PIK3C2G: variants seen among roughly 807,000 people sequenced by gnomAD.
PIK3C2G encodes the protein phosphatidylinositol 3-kinase C2 domain-containing subunit gamma.
PIK3C2G carries 168 observed loss-of-function variants against 181.1 expected under a neutral mutation model. The ratio of observed to expected loss-of-function variants is 0.93; its 90% CI spans 0.82 to 1.05. The LOEUF is 1.05. Among genes scored for constraint, PIK3C2G ranks in the 50% least tolerant of loss-of-function variants. PIK3C2G has a pLI of 0.00. For synonymous variants in PIK3C2G, 573 were observed against 592.2 expected (o/e 0.97, Z 0.47); for missense variants, 1,869 against 1,732.8 (o/e 1.08, Z -1.40).
At chr12:18,334,149 A>C (rs1382997849) in intron 8 of PIK3C2G, among the ~76,000 whole-genome samples, 1 of 152,184 alleles carries the variant, frequency 6.6e-6, no homozygotes, top group African/African-American at 2.4e-5. Context: ...AGAAATTAGA[A>C]AGAATTTAGA....
chr12:18,702,761 A>T, the PIK3C2G span, among the ~76,000 whole-genome samples: 1 of 152,032 alleles, frequency 6.6e-6, no homozygotes, highest in South Asian at 2.1e-4. Flanking sequence ...GCCTCCTTTA[A>T]CAAGTCTCTA....
intron 7 of PIK3C2G, 74 bp from the exon 8 acceptor site, chr12:18,324,961 T>A (rs1026308330): frequency 8.3e-6 from 6 of 722,966 alleles, no homozygotes; most frequent in Non-Finnish European, 4.7e-6. Context: ...CAATTTGTGA[T>A]AAATGTTTGT....
At chr12:18,621,876 AACAC>A (rs369704540) in intron 31 of PIK3C2G, among the ~76,000 whole-genome samples, 1,600 of 151,422 alleles carry the variant, frequency 0.011, 25 homozygotes, top group African/African-American at 0.036. Flanking sequence ...ATTAACAATC[AACAC>A]ACACACACAC....
At chr12:18,376,700 G>A (rs1942464266) in intron 13 of PIK3C2G, among the ~76,000 whole-genome samples, 1 of 152,186 alleles carries the variant, frequency 6.6e-6, no homozygotes, top group Admixed American at 6.5e-5. Context: ...AGGACACGGT[G>A]GGAGATGTTT....
chr12:18,491,585 T>C, intron 20 of PIK3C2G, 27 bp downstream of exon 20: 2 of 1,259,818 alleles, frequency 1.6e-6, no homozygotes, highest in Non-Finnish European at 2.3e-6. Flanking sequence ...CTCAGATTAA[T>C]GGAATATTTC....
At position 18,647,492 on chromosome 12, in the gene PIK3C2G, T is replaced by G. The variant is rs1473137028; in HGVS notation, c.4309-384T>G. On this transcript the variant is annotated intron_variant, in intron 32 of 32. Transcript: ENST00000538779. ...ATAGTCTGCTTTTCCTCATTAACCT[T>G]CAACACAGAAGAATGATGTTCTCTT... is the stretch of plus-strand genomic sequence containing the variant. 2.6e-5 allele frequency among the ~76,000 whole-genome samples: 4 copies of G among 152,156 alleles called. No homozygotes were observed. The East Asian group carries it at 7.7e-4, about 29-fold the overall frequency.
chr12:18,592,741 T>G (rs755206504), intron 29 of PIK3C2G, among the ~76,000 whole-genome samples: 3 of 151,928 alleles, frequency 2.0e-5, no homozygotes, highest in Non-Finnish European at 4.4e-5. Flanking sequence ...TTTTTAAAAT[T>G]GACAGAATTG....
chr12:18,601,090 C>A (rs1424988037), intron 30 of PIK3C2G, among the ~76,000 whole-genome samples: 9 of 151,892 alleles, frequency 5.9e-5, no homozygotes, highest in African/African-American at 2.2e-4. Flanking sequence ...AATCCATCAG[C>A]ACACTAAAGG....
rs775049442 is a variant in PIK3C2G, at chr12:18,282,334, T to G, written c.253T>G (p.Ser85Ala). The change falls in exon 2 of 33, where the codon TCC becomes GCC. Residue 85 changes from serine to alanine, a missense_variant. Physicochemically the swap from Ser to Ala is moderately conservative, Grantham distance 99. Coordinates refer to ENST00000538779, the MANE Select transcript of PIK3C2G (RefSeq NM_001288772.2). The stretch of plus-strand genomic sequence containing the variant: ...TTCATTAAATGAAGCACACCAAATA[T>G]CCTTGAATGAATTCACTTCTAAAAG... ...GHSLNEAHQI[S>A]LNEFTSKSRE... 2 of 1,613,652 alleles carry G rather than the reference T, an allele frequency of 1.2e-6. No homozygotes were observed. The highest frequency in any genetic ancestry group is 3.3e-5 in the Admixed American group (2 of 59,988).
chr12:18,660,569 C>G, the PIK3C2G span, among the ~76,000 whole-genome samples: 1 of 151,854 alleles, frequency 6.6e-6, no homozygotes, highest in Non-Finnish European at 1.5e-5. Context: ...CTGTGCATGC[C>G]CGGAGAAAGG....
In PIK3C2G at chr12:18,335,592, C is replaced by T. The variant is rs151324304; in HGVS notation, c.1273-2834C>T. ...TATGTATCAAAAAATACTCACATCA[C>T]AATTCTACCAGAAATATTTGTCTGT... is the stretch of plus-strand genomic sequence containing the variant. On this transcript the variant is annotated intron_variant, in intron 8 of 32. Transcript: ENST00000538779. Among the ~76,000 whole-genome samples, 1,406 of 152,166 alleles carry T rather than the reference C, an allele frequency of 9.2e-3. 24 individuals carry two copies. Among genetic ancestry groups the T allele is most frequent in the African/African-American group, 0.033 (1,352 of 41,506 alleles).
intron 5 of PIK3C2G, among the ~76,000 whole-genome samples, chr12:18,305,332 C>G (rs1054306255): frequency 7.6e-5 from 10 of 131,994 alleles, no homozygotes; most frequent in African/African-American, 2.6e-4. Flanking sequence ...ATATTTCAGC[C>G]CCAAGTTTTT....
intron 29 of PIK3C2G, among the ~76,000 whole-genome samples, chr12:18,593,462 C>T (rs1592668571): frequency 6.6e-6 from 1 of 151,762 alleles, no homozygotes; most frequent in East Asian, 1.9e-4. Flanking sequence ...AAGTTAAAGT[C>T]TCCTGGGGAA....
At chr12:18,504,949 GA>G (rs1258316156) in intron 23 of PIK3C2G, among the ~76,000 whole-genome samples, 1 of 151,430 alleles carries the variant, frequency 6.6e-6, no homozygotes, top group Non-Finnish European at 1.5e-5. Flanking sequence ...CTTTTACTTT[GA>G]AAAAAAATCA....
At position 18,475,367 on chromosome 12, in the gene PIK3C2G, C is replaced by G. The variant is rs1001338041; in HGVS notation, c.2505-13082C>G. Among the ~76,000 whole-genome samples, 95 of 100,832 alleles carry G rather than the reference C, an allele frequency of 9.4e-4. 1 individual carries two copies. Among genetic ancestry groups the G allele is most frequent in the Admixed American group, 5.5e-3 (43 of 7,872 alleles). The allele number at this position is 100,832 out of a possible 152,430, so 66.1% of individuals were successfully genotyped here. ...GAATCTCTCTCTCAATCTCACCCACCACCCCAACACACACACACACACACA... is the reference window on the plus strand; with the variant it reads ...GAATCTCTCTCTCAATCTCACCCACGACCCCAACACACACACACACACACA... On this transcript the variant is annotated intron_variant, in intron 18 of 32. Coordinates refer to ENST00000538779, the MANE Select transcript of PIK3C2G (RefSeq NM_001288772.2).
At chr12:18,491,013 T>A (rs1350488842) in intron 19 of PIK3C2G, among the ~76,000 whole-genome samples, 2 of 152,196 alleles carry the variant, frequency 1.3e-5, no homozygotes, top group Non-Finnish European at 2.9e-5. Flanking sequence ...ACGTAATTTT[T>A]TTTTGTAAAA....
the PIK3C2G span, among the ~76,000 whole-genome samples, chr12:18,681,515 A>G: frequency 1.3e-3 from 193 of 152,186 alleles, 2 homozygotes; most frequent in Middle Eastern, 6.8e-3. Flanking sequence ...GGAGTTTTAC[A>G]TGAATAAAAT....
intron 19 of PIK3C2G, among the ~76,000 whole-genome samples, chr12:18,491,177 T>C (rs562701107): frequency 1.3e-5 from 2 of 152,292 alleles, no homozygotes; most frequent in South Asian, 4.1e-4. Context: ...GTTTGAACAG[T>C]ACAGTGCTTT....
chr12:18,543,931 T>G (rs1944294818), intron 25 of PIK3C2G, among the ~76,000 whole-genome samples: 1 of 151,918 alleles, frequency 6.6e-6, no homozygotes, highest in Non-Finnish European at 1.5e-5. Context: ...TCAAAGAACT[T>G]AAGATCTAAT....
Sources: gnomAD v4.1 joint callset for allele counts (sites outside exome capture counted in the v4.1 genomes callset) on GRCh38, gnomAD v4.1.1 for gene constraint, MANE v1.5 for transcripts, NCBI Gene and HGNC (gene_info 2026-07-23, HGNC 2026-07-21) for gene names.